CHL1: variants seen among roughly 807,000 people sequenced by gnomAD.
The protein encoded by CHL1 is neural cell adhesion molecule L1-like protein.
In CHL1, 96 loss-of-function variants were observed where a neutral mutation model predicts 141.9. The observed-to-expected ratio is 0.68, with a 90% CI of 0.57 to 0.80. The LOEUF is 0.80. CHL1 is among the 30% of genes least tolerant of loss of function. The probability of loss-of-function intolerance (pLI) is 0.00; values close to 1 mark genes in which losing one functional copy is unlikely to be tolerated. For synonymous variants in CHL1, 613 were observed against 502.2 expected (o/e 1.22, Z -2.95); for missense variants, 1,820 against 1,457.2 (o/e 1.25, Z -4.05).
chr3:282,510 T>G (rs932114788), intron 2 of CHL1, among the ~76,000 whole-genome samples: 1 of 152,200 alleles, frequency 6.6e-6, no homozygotes, highest in African/African-American at 2.4e-5. Context: ...CCTTAACATT[T>G]TTGGCAGTGC....
intron 2 of CHL1, among the ~76,000 whole-genome samples, chr3:307,421 C>T (rs1699339962): frequency 6.6e-6 from 1 of 152,176 alleles, no homozygotes; most frequent in Admixed American, 6.5e-5. Context: ...CAGAAATCTG[C>T]AAGAAAGCTT....
Position 365,938 on chromosome 3 carries a change from T to C in CHL1, c.1586-12T>C. 6.2e-7 allele frequency: 1 copy of C among 1,607,158 alleles called. No individual in the cohort carries two copies. Among genetic ancestry groups the C allele is most frequent in the South Asian group, 1.1e-5 (1 of 90,452 alleles). ...CTTAGTTCTAACTAATATCTTTGTT[T>C]GGTAAAAACAGATGCTACAAAACTT... On this transcript the variant is annotated splice_polypyrimidine_tract_variant and intron_variant, in intron 14 of 27. Coordinates refer to ENST00000256509, the MANE Select transcript of CHL1 (RefSeq NM_006614.4).
intron 10 of CHL1, among the ~76,000 whole-genome samples, chr3:350,609 GA>G (rs5845965): frequency 1.3e-5 from 2 of 148,242 alleles, no homozygotes; most frequent in African/African-American, 2.5e-5. Flanking sequence ...TAAATTAATG[GA>G]AAAAAAAAAG....
intron 2 of CHL1, among the ~76,000 whole-genome samples, chr3:316,247 A>C (rs1483484772): frequency 6.6e-6 from 1 of 152,026 alleles, no homozygotes; most frequent in Non-Finnish European, 1.5e-5. Context: ...TCTTTGTTAG[A>C]AAATAATTTG....
At position 205,127 on chromosome 3, in the gene CHL1, G is replaced by A. The variant is rs1215555867; in HGVS notation, c.-175+8064G>A. Among the ~76,000 whole-genome samples the A allele has an allele frequency of 4.7e-5, 6 of 128,866 alleles. No individual in the cohort carries two copies. The East Asian group carries it at 1.4e-3, about 29-fold the overall frequency. 84.5% of individuals were successfully genotyped at this position (128,866 alleles called of 152,430 possible). A position where few individuals can be genotyped will look rare whatever the true frequency, so the allele number is the denominator to read the frequency against. On this transcript the variant is annotated intron_variant, in intron 1 of 27. Coordinates refer to ENST00000256509, the MANE Select transcript of CHL1 (RefSeq NM_006614.4). ...TTCTTTTTTTTTTTTTTTGGAGATA[G>A]GGTCTGGCTCTGTTGCCCAGGCTGG...
At chr3:231,970 T>G (rs7644693) in intron 1 of CHL1, among the ~76,000 whole-genome samples, 5,435 of 152,266 alleles carry the variant, frequency 0.036, 307 homozygotes, top group African/African-American at 0.13. Context: ...TTTTAATGAA[T>G]GGTTTCCAAC....
intron 19 of CHL1, chr3:385,733 C>G (rs1165165885): frequency 1.4e-5 from 2 of 144,712 alleles, no homozygotes; most frequent in Non-Finnish European, 3.0e-5. Context: ...GAGGCTGAGG[C>G]AGAAAAATAT....
chr3:328,330 G>A lies in CHL1; in HGVS notation c.361G>A (p.Glu121Lys). The change falls in exon 5 of 28, where the codon GAA becomes AAA. Residue 121 changes from glutamate to lysine, a missense_variant. Coordinates refer to ENST00000256509, the MANE Select transcript of CHL1 (RefSeq NM_006614.4). The part of the protein sequence containing the change: ...ASNKLGIAMS[E>K]EIEFIVPSVP... ...AAATAAACTGGGAATCGCTATGTCA[G>A]AAGAAATAGAATTTATAGTTCCAAG... 1 of 1,611,176 alleles carries A rather than the reference G, an allele frequency of 6.2e-7. No homozygotes were observed. The highest frequency in any genetic ancestry group is 8.5e-7 in the Non-Finnish European group (1 of 1,178,540).
chr3:344,766 A>G, intron 9 of CHL1, 57 bp downstream of exon 9: 1 of 1,530,876 alleles, frequency 6.5e-7, no homozygotes, highest in Non-Finnish European at 9.0e-7. Context: ...AAAGAATAAG[A>G]CATCAAGCAC....
intron 5 of CHL1, among the ~76,000 whole-genome samples, chr3:329,838 T>A (rs1280696651): frequency 2.0e-5 from 3 of 152,090 alleles, no homozygotes; most frequent in Non-Finnish European, 4.4e-5. Flanking sequence ...ACTTTATTTG[T>A]AAAAGCCTTC....
At chr3:217,631 C>T in intron 1 of CHL1, 1 of 152,544 alleles carries the variant, frequency 6.6e-6, no homozygotes, top group Non-Finnish European at 1.5e-5. Context: ...ATCAATTTGG[C>T]CCCATCTGGA....
At chr3:234,193 G>GTA (rs35671583) in intron 1 of CHL1, among the ~76,000 whole-genome samples, 10,488 of 144,218 alleles carry the variant, frequency 0.073, 424 homozygotes, top group Middle Eastern at 0.13. Context: ...GTGTGTGTGT[G>GTA]TATATATATA....
At position 390,822 on chromosome 3, in the gene CHL1, TATC is replaced by T. The variant is rs151123985; in HGVS notation, c.2586+12_2586+14del. ...GACGTCTGAAAGGCTATCAGGTTTTTATCATCATGGTTTTTCCTCTTCTTGTTG... is the reference window on the plus strand; with the variant it reads ...GACGTCTGAAAGGCTATCAGGTTTTTATCATGGTTTTTCCTCTTCTTGTTG... On this transcript the variant is annotated splice_region_variant and intron_variant, in intron 21 of 27. Coordinates refer to ENST00000256509, the MANE Select transcript of CHL1 (RefSeq NM_006614.4). The T allele has an allele frequency of 2.5e-3, 3,857 of 1,569,770 alleles. 51 individuals carry two copies. In the African/African-American group the frequency reaches 0.04, roughly 16 times the overall value.
intron 2 of CHL1, among the ~76,000 whole-genome samples, chr3:313,112 A>G (rs1175065229): frequency 1.3e-5 from 2 of 152,150 alleles, no homozygotes; most frequent in African/African-American, 4.8e-5. Flanking sequence ...CATGTTGTCA[A>G]TGAAAATGGC....
At chr3:250,042 T>A (rs776404673) in intron 2 of CHL1, among the ~76,000 whole-genome samples, 5 of 152,018 alleles carry the variant, frequency 3.3e-5, no homozygotes, top group Non-Finnish European at 5.9e-5. Flanking sequence ...TCATAGCTCA[T>A]TGCAGCTTTG....
chr3:373,135 G>T (rs1321975247), intron 15 of CHL1, among the ~76,000 whole-genome samples: 2 of 152,224 alleles, frequency 1.3e-5, no homozygotes, highest in Non-Finnish European at 2.9e-5. Flanking sequence ...CCTTGGTGGA[G>T]GGGATGTGCT....
intron 5 of CHL1, among the ~76,000 whole-genome samples, chr3:332,033 T>C (rs1025005446): frequency 5.3e-5 from 8 of 152,256 alleles, no homozygotes; most frequent in African/African-American, 1.9e-4. Context: ...CCCTCCTTCG[T>C]TGAAGATGCT....
intron 5 of CHL1, among the ~76,000 whole-genome samples, chr3:335,962 C>G (rs9861231): frequency 0.76 from 115,094 of 152,168 alleles, 43,843 homozygotes; most frequent in Middle Eastern, 0.82. Flanking sequence ...TAAGTGCTTG[C>G]TCCTATTTTA....
At chr3:326,746 T>G (rs1701044988) in intron 4 of CHL1, among the ~76,000 whole-genome samples, 1 of 151,876 alleles carries the variant, frequency 6.6e-6, no homozygotes, top group African/African-American at 2.4e-5. Flanking sequence ...TCTACGTGAT[T>G]CTAAAATGGA....
Sources: gnomAD v4.1 joint callset for allele counts (sites outside exome capture counted in the v4.1 genomes callset) on GRCh38, gnomAD v4.1.1 for gene constraint, MANE v1.5 for transcripts, NCBI Gene and HGNC (gene_info 2026-07-23, HGNC 2026-07-21) for gene names.